HDGFL3: variants seen among roughly 807,000 people sequenced by gnomAD.
The protein encoded by HDGFL3 is hepatoma-derived growth factor-related protein 3.
HDGFL3 carries 6 observed loss-of-function variants against 27.6 expected under a neutral mutation model. That is an observed-to-expected ratio of 0.22 (90% CI 0.12 to 0.43). HDGFL3 has a LOEUF of 0.43. Ranked by LOEUF, HDGFL3 falls within the 20% of genes least tolerant of loss-of-function variation. The probability of loss-of-function intolerance (pLI) is 1.00; values close to 1 mark genes in which losing one functional copy is unlikely to be tolerated. For missense variants in HDGFL3, 207 were observed against 250.1 expected (o/e 0.83, Z 1.16); for synonymous variants, 88 against 88.9 (o/e 0.99, Z 0.05).
At chr15:83,145,077 C>T (rs1321851121) in intron 5 of HDGFL3, among the ~76,000 whole-genome samples, 1 of 151,902 alleles carries the variant, frequency 6.6e-6, no homozygotes, top group Non-Finnish European at 1.5e-5. Flanking sequence ...AAAAGGGACC[C>T]TCGTAAAAAT....
At chr15:83,113,244 C>G (rs146817131) in exon 4 of HDGFL3, 47 of 377,350 alleles carry the variant, frequency 1.2e-4, no homozygotes, top group African/African-American at 6.9e-4. Flanking sequence ...CAGTCCCCCC[C>G]ACTTAGTGCA....
chr15:83,205,635 T>C (rs1341583088), intron 1 of HDGFL3, among the ~76,000 whole-genome samples: 2 of 152,240 alleles, frequency 1.3e-5, no homozygotes, highest in Non-Finnish European at 2.9e-5. Context: ...AGGGAAGATT[T>C]TAAAAAGCCA....
intron 5 of HDGFL3, among the ~76,000 whole-genome samples, chr15:83,142,976 C>T (rs1209025437): frequency 1.3e-5 from 2 of 151,732 alleles, no homozygotes; most frequent in Non-Finnish European, 2.9e-5. Context: ...AAATAAATAT[C>T]ATTAACGATC....
chr15:83,207,610 T>A lies in HDGFL3; in HGVS notation c.-196A>T. ...CGGGGGGCGCAGCAGGCCCGGCAAA[T>A]CACGGCCCGGCAGCGGGGGAGGGGA... On this transcript the variant is annotated 5_prime_UTR_variant, in exon 1 of 6. Transcript: ENST00000299633. The surrounding 1 kb of genome is among the most constrained non-coding windows in gnomAD (Gnocchi z 4.8). The A allele has an allele frequency of 3.4e-6, 1 of 291,500 alleles. No homozygotes were observed. The highest frequency in any genetic ancestry group is 5.7e-5 in the East Asian group (1 of 17,450). 18.1% of individuals were successfully genotyped at this position (291,500 alleles called of 1,614,324 possible).
chr15:83,161,033 G>A (rs1236200283), intron 2 of HDGFL3, among the ~76,000 whole-genome samples: 4 of 152,128 alleles, frequency 2.6e-5, no homozygotes, highest in Non-Finnish European at 5.9e-5. Context: ...TTGATAAACT[G>A]AACACAATAA....
At chr15:83,144,626 C>T in intron 5 of HDGFL3, 3 of 432,142 alleles carry the variant, frequency 6.9e-6, no homozygotes, top group Non-Finnish European at 1.4e-5. Flanking sequence ...TCCAGTCCAA[C>T]AACCGTGAGG....
At chr15:83,159,942 G>A (rs535120101) in intron 2 of HDGFL3, among the ~76,000 whole-genome samples, 1 of 152,304 alleles carries the variant, frequency 6.6e-6, no homozygotes, top group African/African-American at 2.4e-5. Context: ...GGCAATTTAT[G>A]TCTTAATAGG....
intron 1 of HDGFL3, among the ~76,000 whole-genome samples, chr15:83,198,571 A>C (rs1253986534): frequency 1.3e-5 from 2 of 152,180 alleles, no homozygotes; most frequent in African/African-American, 4.8e-5. Context: ...GTAATTTATA[A>C]AGAAAACAGG....
chr15:83,205,538 TTAC>T (rs1391452163), intron 1 of HDGFL3, among the ~76,000 whole-genome samples: 7 of 152,212 alleles, frequency 4.6e-5, no homozygotes, highest in Non-Finnish European at 1.0e-4. Context: ...GTTTCACAAA[TTAC>T]TACAGGTGGC....
Position 83,130,348 on chromosome 15 carries a change from G to T in HDGFL3, c.*8922C>A, listed in dbSNP as rs745777120. On this transcript the variant is annotated 3_prime_UTR_variant, in exon 6 of 6. Transcript: ENST00000299633. ...GGGCACTTATTACTCCAGCCAAGTG[G>T]TTCTGAGAAGGGCAGTGTGGACTAC... 6.6e-6 allele frequency: 1 copy of T among 152,606 alleles called. No individual in the cohort carries two copies. The highest frequency in any genetic ancestry group is 1.5e-5 in the Non-Finnish European group (1 of 68,224). 9.5% of individuals were successfully genotyped at this position (152,606 alleles called of 1,614,324 possible).
intron 1 of HDGFL3, among the ~76,000 whole-genome samples, chr15:83,192,027 T>C (rs1241820763): frequency 7.0e-6 from 1 of 143,498 alleles, no homozygotes. Flanking sequence ...CTGCAACCCC[T>C]GTCTCCCAGG....
chr15:83,148,307 C>G (rs2036924150), intron 5 of HDGFL3, among the ~76,000 whole-genome samples: 1 of 152,148 alleles, frequency 6.6e-6, no homozygotes, highest in African/African-American at 2.4e-5. Flanking sequence ...AGAATGCTCA[C>G]AGCCACACAG....
chr15:83,140,856 A>C (rs1358301963), intron 5 of HDGFL3, among the ~76,000 whole-genome samples: 1 of 152,204 alleles, frequency 6.6e-6, no homozygotes, highest in Non-Finnish European at 1.5e-5. Flanking sequence ...TTGGTAGAAT[A>C]ATCACAGTAA....
intron 5 of HDGFL3, among the ~76,000 whole-genome samples, chr15:83,139,796 A>T (rs1046281244): frequency 6.6e-6 from 1 of 152,076 alleles, no homozygotes; most frequent in Non-Finnish European, 1.5e-5. Context: ...TCTTGCTTTT[A>T]AAAAAAACAT....
intron 1 of HDGFL3, among the ~76,000 whole-genome samples, chr15:83,200,048 A>C (rs541205820): frequency 1.3e-5 from 2 of 149,464 alleles, no homozygotes; most frequent in African/African-American, 4.9e-5. Context: ...CCATCTCAAA[A>C]AAAAAAAAAA....
chr15:83,118,715 A>G (rs1161402148), intron 3 of HDGFL3, among the ~76,000 whole-genome samples: 3 of 152,198 alleles, frequency 2.0e-5, no homozygotes, highest in Admixed American at 1.3e-4. Context: ...GGCATCTTAC[A>G]GCGTGAAACA....
chr15:83,116,332 T>A (rs533084556), intron 3 of HDGFL3, among the ~76,000 whole-genome samples: 2 of 152,222 alleles, frequency 1.3e-5, no homozygotes, highest in Non-Finnish European at 2.9e-5. Context: ...AGGCACTTGA[T>A]GAAGTCATTT....
intron 1 of HDGFL3, among the ~76,000 whole-genome samples, chr15:83,181,417 T>G (rs2037379977): frequency 6.6e-6 from 1 of 152,232 alleles, no homozygotes; most frequent in Non-Finnish European, 1.5e-5. Flanking sequence ...TAGTTAAAAG[T>G]GAGGCATTTC....
At chr15:83,175,563 CA>C (rs1158952257) in intron 1 of HDGFL3, among the ~76,000 whole-genome samples, 2 of 152,124 alleles carry the variant, frequency 1.3e-5, no homozygotes, top group Non-Finnish European at 2.9e-5. Flanking sequence ...TCTGATGCAA[CA>C]AAACTTCATG....
Sources: allele counts gnomAD v4.1 joint callset (sites outside exome capture counted in the v4.1 genomes callset), GRCh38; gene constraint gnomAD v4.1.1; non-coding constraint Gnocchi (gnomAD v3.1); transcripts MANE v1.5; gene names NCBI Gene and HGNC (gene_info 2026-07-23, HGNC 2026-07-21).